Variants in LDLRAD4 observed in about 807,000 individuals in gnomAD.
LDLRAD4 encodes low density lipoprotein receptor class A domain containing 4.
A neutral mutation model predicts 17.0 loss-of-function variants in LDLRAD4; 5 were observed. The observed-to-expected ratio is 0.29, with a 90% CI of 0.15 to 0.62. The LOEUF is 0.62. Ranked by LOEUF, LDLRAD4 falls within the 20% of genes least tolerant of loss-of-function variation. The pLI, the probability that LDLRAD4 is intolerant of heterozygous loss-of-function variation, is 0.84. For synonymous variants in LDLRAD4, 168 were observed against 171.8 expected (o/e 0.98, Z 0.17); for missense variants, 340 against 424.7 (o/e 0.80, Z 1.75).
At position 13,631,468 on chromosome 18, in the gene LDLRAD4, G is replaced by T. The variant is rs78986215; in HGVS notation, c.336+10197G>T. ...TCTTAAACTTCTAGAAATTTCAAGA[G>T]GTGGGAACACTTCCTAACTCATTAT... On this transcript the variant is annotated intron_variant, in intron 4 of 5. Transcript: ENST00000359446. 5.4e-3 allele frequency among the ~76,000 whole-genome samples: 821 copies of T among 152,226 alleles called. 8 individuals carry two copies. The highest frequency in any genetic ancestry group is 0.022 in the East Asian group (113 of 5,188).
exon 6 of LDLRAD4, chr18:13,650,527 C>CAGAT (rs2043202884): frequency 2.5e-6 from 1 of 396,840 alleles, no homozygotes; most frequent in East Asian, 3.6e-5. Context: ...CTGAGTTCAG[C>CAGAT]AGATATAGGA....
At chr18:13,447,536 T>G in intron 3 of LDLRAD4, among the ~76,000 whole-genome samples, 1 of 152,344 alleles carries the variant, frequency 6.6e-6, no homozygotes, top group East Asian at 1.9e-4. Context: ...TAAATTTACT[T>G]GGATAAAAAC....
At chr18:13,424,025 C>T (rs2089715720) in intron 2 of LDLRAD4, among the ~76,000 whole-genome samples, 1 of 152,028 alleles carries the variant, frequency 6.6e-6, no homozygotes, top group African/African-American at 2.4e-5. Context: ...ATCCTAGCTA[C>T]TCAGGAGGCT....
At chr18:13,500,075 A>G (rs973785358) in intron 3 of LDLRAD4, among the ~76,000 whole-genome samples, 2 of 152,214 alleles carry the variant, frequency 1.3e-5, no homozygotes, top group African/African-American at 4.8e-5. Context: ...ACATTGGGAA[A>G]TGTTGGGAAT....
chr18:13,398,360 C>T lies in LDLRAD4; in HGVS notation c.40+10598C>T, dbSNP rs555764715. ...CACAGCGTCACGGTGGTGATGCTTG[C>T]GTAGCAGTGTGAGAGTGCAAACCTG... On this transcript the variant is annotated intron_variant, in intron 2 of 5. Transcript: ENST00000359446. The surrounding 1 kb of genome is among the most constrained non-coding windows in gnomAD (Gnocchi z 4.8). Among the ~76,000 whole-genome samples, 22 of 151,952 alleles carry T rather than the reference C, an allele frequency of 1.4e-4. No homozygotes were observed. The highest frequency in any genetic ancestry group is 1.3e-3 in the South Asian group (6 of 4,790).
At chr18:13,494,283 C>T (rs1294856882) in intron 3 of LDLRAD4, among the ~76,000 whole-genome samples, 2 of 151,880 alleles carry the variant, frequency 1.3e-5, no homozygotes, top group African/African-American at 2.4e-5. Context: ...ACTTCTGCTT[C>T]AAGGGACATC....
chr18:13,311,433 A>C (rs2047226467), intron 1 of LDLRAD4, among the ~76,000 whole-genome samples: 1 of 152,098 alleles, frequency 6.6e-6, no homozygotes, highest in South Asian at 2.1e-4. Flanking sequence ...CTTCTGCCAC[A>C]CTCCCAGGGA....
At position 13,242,220 on chromosome 18, in the gene LDLRAD4, A is replaced by T. The variant is rs149786787; in HGVS notation, c.-467+23232A>T. ...ATCGCTTGTTTTCACGTCTGCAGGA[A>T]ATTCATCAAAACAATTTTGTCTAGG... On this transcript the variant is annotated intron_variant, in intron 1 of 5. Coordinates refer to the LDLRAD4 transcript ENST00000399848. The T allele has an allele frequency of 3.9e-5, 6 of 152,378 alleles. 1 individual carries two copies. In the East Asian group the frequency reaches 1.2e-3, roughly 29 times the overall value. The allele number at this position is 152,378 out of a possible 1,614,324, so 9.4% of individuals were successfully genotyped here.
At chr18:13,415,749 G>A (rs1215383297) in intron 2 of LDLRAD4, among the ~76,000 whole-genome samples, 1 of 152,184 alleles carries the variant, frequency 6.6e-6, no homozygotes, top group Non-Finnish European at 1.5e-5. Context: ...GTTCTCCAAG[G>A]AAAAGCCAGG....
intron 3 of LDLRAD4, among the ~76,000 whole-genome samples, chr18:13,532,596 G>A (rs1364139372): frequency 6.6e-6 from 1 of 152,146 alleles, no homozygotes; most frequent in East Asian, 1.9e-4. Context: ...TTAAACAACT[G>A]GGCAGCTAGA....
intron 3 of LDLRAD4, among the ~76,000 whole-genome samples, chr18:13,589,154 G>A (rs181856445): frequency 3.3e-5 from 5 of 152,084 alleles, no homozygotes; most frequent in Admixed American, 1.3e-4. Context: ...GGCTGGTCTC[G>A]AACTCCTGGC....
chr18:13,535,289 A>C (rs2094187584), intron 3 of LDLRAD4, among the ~76,000 whole-genome samples: 1 of 152,228 alleles, frequency 6.6e-6, no homozygotes, highest in Non-Finnish European at 1.5e-5. Flanking sequence ...CCAGCCAGCA[A>C]TGAATGGGGG....
At chr18:13,356,131 C>G (rs1029453262) in intron 1 of LDLRAD4, among the ~76,000 whole-genome samples, 1 of 152,216 alleles carries the variant, frequency 6.6e-6, no homozygotes, top group Middle Eastern at 3.2e-3. Flanking sequence ...ATGAATTGCT[C>G]TATTGATTTG....
intron 3 of LDLRAD4, among the ~76,000 whole-genome samples, chr18:13,446,502 T>C (rs958037524): frequency 6.6e-6 from 1 of 152,208 alleles, no homozygotes; most frequent in Non-Finnish European, 1.5e-5. Flanking sequence ...TTATGAAAAA[T>C]TAACCTAAGA....
intron 1 of LDLRAD4, among the ~76,000 whole-genome samples, chr18:13,353,102 A>G (rs940278378): frequency 1.3e-5 from 2 of 151,996 alleles, no homozygotes; most frequent in Admixed American, 6.6e-5. Context: ...TCCAGTGCCT[A>G]TGTTTCTTCA....
intron 3 of LDLRAD4, among the ~76,000 whole-genome samples, chr18:13,443,709 T>TCTCCTCCTC (rs557743448): frequency 0.027 from 4,090 of 151,372 alleles, 274 homozygotes; most frequent in East Asian, 0.26. Flanking sequence ...GTCGTCGTCG[T>TCTCCTCCTC]CTCCTCCTCC....
intron 1 of LDLRAD4, among the ~76,000 whole-genome samples, chr18:13,284,621 T>C (rs2045501426): frequency 6.6e-6 from 1 of 152,144 alleles, no homozygotes; most frequent in Non-Finnish European, 1.5e-5. Flanking sequence ...AGGTTAGAAA[T>C]AGCATTGCTT....
upstream of LDLRAD4, among the ~76,000 whole-genome samples, chr18:13,275,547 A>G (rs1472857695): frequency 2.6e-5 from 4 of 152,242 alleles, no homozygotes; most frequent in Non-Finnish European, 4.4e-5. Flanking sequence ...TCACTTAAAA[A>G]AATGTTAATA....
intron 3 of LDLRAD4, among the ~76,000 whole-genome samples, chr18:13,602,693 C>T (rs2148646603): frequency 6.6e-6 from 1 of 151,794 alleles, no homozygotes; most frequent in Non-Finnish European, 1.5e-5. Flanking sequence ...AGTGATCTGC[C>T]CACCTTGGCC....
Sources: gnomAD v4.1 joint callset for allele counts (sites outside exome capture counted in the v4.1 genomes callset) on GRCh38, gnomAD v4.1.1 for gene constraint, Gnocchi (gnomAD v3.1) non-coding constraint, MANE v1.5 for transcripts, NCBI Gene and HGNC (gene_info 2026-07-23, HGNC 2026-07-21) for gene names.